Variants in PSAT1 observed in about 807,000 individuals in gnomAD.
PSAT1 encodes phosphoserine aminotransferase.
PSAT1 carries 41 observed loss-of-function variants against 40.3 expected under a neutral mutation model. That is an observed-to-expected ratio of 1.02 (90% CI 0.79 to 1.32). The LOEUF is 1.32. Among genes scored for constraint, PSAT1 ranks in the 40% most tolerant of loss-of-function variants. The probability of loss-of-function intolerance (pLI) is 0.00; values close to 1 mark genes in which losing one functional copy is unlikely to be tolerated. For synonymous variants in PSAT1, 147 were observed against 170.5 expected (o/e 0.86, Z 1.07); for missense variants, 406 against 455.8 (o/e 0.89, Z 0.99).
chr9:78,314,150 C>T (rs1179038986), intron 6 of PSAT1, among the ~76,000 whole-genome samples: 1 of 152,068 alleles, frequency 6.6e-6, no homozygotes, highest in African/African-American at 2.4e-5. Flanking sequence ...TTTTAGAGCC[C>T]TTGTGTTTTC....
intron 4 of PSAT1, among the ~76,000 whole-genome samples, chr9:78,305,863 C>A (rs1345548896): frequency 6.6e-6 from 1 of 152,190 alleles, no homozygotes; most frequent in Non-Finnish European, 1.5e-5. Context: ...ACTCAGATAT[C>A]TCCCATGCCT....
At chr9:78,302,520 A>C (rs1231702457) in intron 3 of PSAT1, among the ~76,000 whole-genome samples, 1 of 152,096 alleles carries the variant, frequency 6.6e-6, no homozygotes, top group East Asian at 1.9e-4. Context: ...TGAGATCAGG[A>C]GATCAAGACC....
intron 7 of PSAT1, among the ~76,000 whole-genome samples, chr9:78,324,338 G>A (rs938499317): frequency 6.6e-6 from 1 of 152,058 alleles, no homozygotes; most frequent in African/African-American, 2.4e-5. Context: ...TGACATCTTC[G>A]TGCTCCACCA....
intron 7 of PSAT1, among the ~76,000 whole-genome samples, chr9:78,322,736 GA>G (rs890628679): frequency 2.9e-4 from 44 of 152,156 alleles, no homozygotes; most frequent in African/African-American, 9.9e-4. Flanking sequence ...ACAGTATGAG[GA>G]AACAACTCAG....
chr9:78,328,907 G>A, intron 8 of PSAT1, 74 bp from the exon 9 acceptor site: 1 of 1,190,090 alleles, frequency 8.4e-7, no homozygotes, highest in Non-Finnish European at 1.3e-6. Flanking sequence ...TCAGGAGCCA[G>A]TGGCTAGAAA....
intron 3 of PSAT1, among the ~76,000 whole-genome samples, chr9:78,302,795 CAG>C (rs1828127196): frequency 6.8e-6 from 1 of 147,454 alleles, no homozygotes; most frequent in Admixed American, 6.7e-5. Context: ...CCTGCTGAAT[CAG>C]AATCTCTGGA....
chr9:78,302,928 T>C (rs1387623009), intron 3 of PSAT1, among the ~76,000 whole-genome samples: 3 of 152,168 alleles, frequency 2.0e-5, no homozygotes, highest in Non-Finnish European at 4.4e-5. Context: ...GAATCCCTTA[T>C]TCTTAAATAG....
intron 6 of PSAT1, among the ~76,000 whole-genome samples, chr9:78,310,469 G>T (rs1828250112): frequency 1.3e-5 from 2 of 152,138 alleles, no homozygotes; most frequent in African/African-American, 4.8e-5. Context: ...CTTGGTGGAA[G>T]TTCTCTTAAA....
intron 5 of PSAT1, among the ~76,000 whole-genome samples, chr9:78,308,103 C>A (rs911521672): frequency 2.0e-5 from 3 of 152,118 alleles, no homozygotes; most frequent in African/African-American, 7.2e-5. Flanking sequence ...ACGTTAAAGA[C>A]TCCTTTCTAC....
At chr9:78,314,993 G>C (rs764715784) in intron 6 of PSAT1, among the ~76,000 whole-genome samples, 8 of 150,576 alleles carry the variant, frequency 5.3e-5, no homozygotes, top group African/African-American at 1.7e-4. Flanking sequence ...GTGTGGAGGT[G>C]GGGGGTGAAC....
At chr9:78,300,275 C>T (rs1828088203) in intron 1 of PSAT1, among the ~76,000 whole-genome samples, 2 of 152,286 alleles carry the variant, frequency 1.3e-5, no homozygotes, top group Non-Finnish European at 2.9e-5. Flanking sequence ...TAACCCAGAA[C>T]TTTATGCATT....
intron 7 of PSAT1, among the ~76,000 whole-genome samples, chr9:78,325,305 C>T (rs72745652): frequency 0.073 from 11,159 of 152,270 alleles, 528 homozygotes; most frequent in Middle Eastern, 0.12. Flanking sequence ...TCTTCACCCC[C>T]CAGTCTCTCC....
chr9:78,324,836 C>T (rs994444610), intron 7 of PSAT1, among the ~76,000 whole-genome samples: 3 of 152,186 alleles, frequency 2.0e-5, no homozygotes, highest in African/African-American at 4.8e-5. Context: ...TCCACACCGG[C>T]CCGTCCTACT....
At chr9:78,301,319 C>T (rs1003075181) in intron 2 of PSAT1, among the ~76,000 whole-genome samples, 12 of 152,142 alleles carry the variant, frequency 7.9e-5, no homozygotes, top group African/African-American at 2.9e-4. Context: ...ATTCAATTTA[C>T]AGTTTTTATT....
Position 78,329,303 on chromosome 9 carries a change from T to C in PSAT1, c.*217T>C. Reference sequence around the variant, plus strand: ...ATTCTGACTTGAACTGGAAGCATTTTAAGAAATCTTGTTGCTTTTCTAACA... The same window carrying C: ...ATTCTGACTTGAACTGGAAGCATTTCAAGAAATCTTGTTGCTTTTCTAACA... On this transcript the variant is annotated 3_prime_UTR_variant, in exon 9 of 9. Transcript: ENST00000376588. 2 of 547,734 alleles carry C rather than the reference T, an allele frequency of 3.7e-6. No homozygotes were observed. The highest frequency in any genetic ancestry group is 6.5e-6 in the Non-Finnish European group (2 of 306,922). 33.9% of individuals were successfully genotyped at this position (547,734 alleles called of 1,614,324 possible).
intron 5 of PSAT1, among the ~76,000 whole-genome samples, chr9:78,308,000 C>T (rs1473232407): frequency 6.6e-6 from 1 of 152,108 alleles, no homozygotes; most frequent in Non-Finnish European, 1.5e-5. Flanking sequence ...GATTGCGCCA[C>T]TGCACTCCAG....
chr9:78,302,467 G>A (rs969593574), intron 3 of PSAT1, among the ~76,000 whole-genome samples: 4 of 152,180 alleles, frequency 2.6e-5, no homozygotes, highest in Non-Finnish European at 5.9e-5. Context: ...GGTGGCTCAT[G>A]CCTGTAATCC....
rs150440532 is a variant in PSAT1 at position 78,319,884 on chromosome 9, C to T, written c.869+2080C>T. 6.6e-5 allele frequency among the ~76,000 whole-genome samples: 10 copies of T among 152,144 alleles called. No individual in the cohort carries two copies. In the East Asian group the frequency reaches 1.5e-3, roughly 24 times the overall value. On this transcript the variant is annotated intron_variant, in intron 7 of 8. Coordinates refer to ENST00000376588, the MANE Select transcript of PSAT1 (RefSeq NM_058179.4). ...TTATGCTGGGATTGGGAAGAAGGTC[C>T]GTGGAAGTGTGTGAGGGCGTGTTTA...
At chr9:78,315,796 G>A (rs893724870) in intron 6 of PSAT1, among the ~76,000 whole-genome samples, 18 of 152,224 alleles carry the variant, frequency 1.2e-4, no homozygotes, top group Non-Finnish European at 2.4e-4. Flanking sequence ...GGTATAGGGG[G>A]CTTCCCTGTG....
Sources: allele counts gnomAD v4.1 joint callset (sites outside exome capture counted in the v4.1 genomes callset), GRCh38; gene constraint gnomAD v4.1.1; transcripts MANE v1.5; gene names NCBI Gene and HGNC (gene_info 2026-07-23, HGNC 2026-07-21).